The following CSMD1 variants were observed in gnomAD, a reference collection of about 807,000 sequenced individuals.
CSMD1 encodes the protein CUB and Sushi multiple domains 1.
Under a neutral mutation model 417.5 loss-of-function variants are expected in CSMD1, and 213 were observed. That is an observed-to-expected ratio of 0.51 (90% CI 0.46 to 0.57). The LOEUF is 0.57. CSMD1 is among the 20% of genes least tolerant of loss of function. CSMD1 has a pLI of 0.00. For missense variants in CSMD1, 6,923 were observed against 4,529.7 expected, an observed-to-expected ratio of 1.53 and a Z score of -15.17; for synonymous variants, 2,862 against 1,736.8, an observed-to-expected ratio of 1.65 and a Z score of -16.11.
At position 3,712,392 on chromosome 8, in the gene CSMD1, G is replaced by C. The variant is rs62476970; in HGVS notation, c.932-3901C>G. ...AAGAAACAGGAGAGAGAGAGAGAGA[G>C]AGAGAGAGACAGACAGACAGACAGA... On this transcript the variant is annotated intron_variant, in intron 6 of 69. Coordinates refer to ENST00000635120, the MANE Select transcript of CSMD1 (RefSeq NM_033225.6). Among the ~76,000 whole-genome samples the C allele has an allele frequency of 2.3e-4, 11 of 47,490 alleles. No homozygotes were observed. The East Asian group carries it at 4.4e-3, about 19-fold the overall frequency. 31.2% of individuals were successfully genotyped at this position (47,490 alleles called of 152,430 possible).
intron 39 of CSMD1, among the ~76,000 whole-genome samples, chr8:3,155,205 T>C (rs76340811): frequency 0.011 from 1,715 of 152,060 alleles, 36 homozygotes; most frequent in African/African-American, 0.039. Context: ...ATTGATTTCA[T>C]TGTGAAGTTT....
At chr8:3,260,828 T>TA (rs548860858) in intron 26 of CSMD1, among the ~76,000 whole-genome samples, 136 of 152,142 alleles carry the variant, frequency 8.9e-4, no homozygotes, top group African/African-American at 2.8e-3. Context: ...GCTTTTGCTC[T>TA]AAAAAAGACC....
intron 1 of CSMD1, among the ~76,000 whole-genome samples, chr8:4,835,582 T>C (rs568231114): frequency 3.7e-4 from 56 of 152,330 alleles, no homozygotes; most frequent in African/African-American, 1.3e-3. Flanking sequence ...GGAATTATCC[T>C]AACACAAATT....
At chr8:4,351,735 T>G (rs1412878965) in intron 3 of CSMD1, among the ~76,000 whole-genome samples, 1 of 152,142 alleles carries the variant, frequency 6.6e-6, no homozygotes, top group African/African-American at 2.4e-5. Context: ...AAAGGCCTTC[T>G]AGGTTGAGCA....
intron 3 of CSMD1, among the ~76,000 whole-genome samples, chr8:4,273,988 G>T (rs1332658226): frequency 6.6e-6 from 1 of 152,138 alleles, no homozygotes. Flanking sequence ...ATTGCTATCA[G>T]TGATAACCGC....
chr8:4,136,896 G>T (rs1045466086), intron 3 of CSMD1, among the ~76,000 whole-genome samples: 6 of 152,122 alleles, frequency 3.9e-5, no homozygotes, highest in Admixed American at 3.9e-4. Flanking sequence ...ACTTAACAAA[G>T]AAAACAGTCA....
At chr8:4,059,824 C>T (rs774122207) in intron 3 of CSMD1, among the ~76,000 whole-genome samples, 3 of 150,282 alleles carry the variant, frequency 2.0e-5, no homozygotes, top group African/African-American at 4.9e-5. Flanking sequence ...CAAAAAGAGT[C>T]CAGGACCAGA....
At position 3,847,169 on chromosome 8, in the gene CSMD1, C is replaced by G. The variant is rs977376937; in HGVS notation, c.819-93127G>C. On this transcript the variant is annotated intron_variant, in intron 5 of 69. Coordinates refer to ENST00000635120, the MANE Select transcript of CSMD1 (RefSeq NM_033225.6). ...GTGACTGGCTTTTAACCAATAATGC[C>G]TGAACCTTACAGGTGGCGCGGTGTC... Among the ~76,000 whole-genome samples, 6 of 152,184 alleles carry G rather than the reference C, an allele frequency of 3.9e-5. No individual in the cohort carries two copies. In the South Asian group the frequency reaches 8.3e-4, roughly 21 times the overall value.
At chr8:3,313,344 G>C (rs897739729) in intron 23 of CSMD1, among the ~76,000 whole-genome samples, 1 of 152,106 alleles carries the variant, frequency 6.6e-6, no homozygotes, top group East Asian at 1.9e-4. Flanking sequence ...CATACAGAAA[G>C]GGAGAAAATT....
chr8:4,058,909 C>G (rs138425755), intron 3 of CSMD1, among the ~76,000 whole-genome samples: 17,774 of 151,952 alleles, frequency 0.12, 1,559 homozygotes, highest in East Asian at 0.35. Context: ...CAAGGATACC[C>G]AGGAATTGAA....
chr8:2,962,852 T>C (rs1392369245), intron 60 of CSMD1, among the ~76,000 whole-genome samples: 1 of 152,166 alleles, frequency 6.6e-6, no homozygotes, highest in African/African-American at 2.4e-5. Flanking sequence ...AGTTCGAGAC[T>C]AGCCTGGGCA....
At chr8:3,473,465 T>G (rs961314283) in intron 11 of CSMD1, among the ~76,000 whole-genome samples, 1 of 152,200 alleles carries the variant, frequency 6.6e-6, no homozygotes, top group Non-Finnish European at 1.5e-5. Flanking sequence ...TATAATTATT[T>G]AAAACAAAAG....
intron 10 of CSMD1, among the ~76,000 whole-genome samples, chr8:3,559,080 G>T (rs1386117744): frequency 6.6e-6 from 1 of 152,208 alleles, no homozygotes; most frequent in African/African-American, 2.4e-5. Context: ...ATATTATGCT[G>T]AAGAATAACA....
chr8:3,008,001 T>G (rs78691199), intron 52 of CSMD1, among the ~76,000 whole-genome samples: 3,959 of 152,294 alleles, frequency 0.026, 177 homozygotes, highest in African/African-American at 0.091. Flanking sequence ...TTGCTTAAAA[T>G]GTCTCAAATA....
At chr8:3,745,305 C>T (rs571837574) in intron 6 of CSMD1, among the ~76,000 whole-genome samples, 1 of 152,154 alleles carries the variant, frequency 6.6e-6, no homozygotes, top group African/African-American at 2.4e-5. Context: ...ACATGATGGT[C>T]AGCTCTGCAA....
chr8:3,946,683 T>C (rs975173482), intron 5 of CSMD1, among the ~76,000 whole-genome samples: 3 of 152,188 alleles, frequency 2.0e-5, no homozygotes, highest in Non-Finnish European at 4.4e-5. Context: ...TTCTCATTCA[T>C]GGTCTAGTGT....
Position 3,187,495 on chromosome 8 carries a change from T to G in CSMD1, c.5620+374A>C, listed in dbSNP as rs146175756. Among the ~76,000 whole-genome samples, 7 of 152,236 alleles carry G rather than the reference T, an allele frequency of 4.6e-5. No homozygotes were observed. In the East Asian group the frequency reaches 1.4e-3, roughly 29 times the overall value. On this transcript the variant is annotated intron_variant, in intron 36 of 69. Coordinates refer to ENST00000635120, the MANE Select transcript of CSMD1 (RefSeq NM_033225.6). ...GGACTAGCTGAGCCCACATGCTCAG[T>G]GTAATTTTCCCAGATTGCTTAATGT...
At position 4,637,357 on chromosome 8, in the gene CSMD1, C is replaced by G; in HGVS notation, c.287G>C (p.Gly96Ala). Reference protein sequence around the residue: ...LSVYDGQPQQGNLKVRLSGFQ... With the variant: ...LSVYDGQPQQANLKVRLSGFQ... Reference sequence around the variant, plus strand: ...GATACCTTACCTCACTTTTAAATTCCCTTGTTGAGGCTGTCCATCGTAAAC... The same window carrying G: ...GATACCTTACCTCACTTTTAAATTCGCTTGTTGAGGCTGTCCATCGTAAAC... Residue 96 changes from glycine (G) to alanine (A), a missense_variant, in exon 2 of 70, where the codon GGG (glycine) becomes GCG (alanine). Physicochemically the swap from Gly to Ala is moderately conservative, Grantham distance 60. Transcript: ENST00000635120. 1 of 1,613,370 alleles carries G rather than the reference C, an allele frequency of 6.2e-7. No homozygotes were observed. The highest frequency in any genetic ancestry group is 2.2e-5 in the East Asian group (1 of 44,872).
chr8:3,656,723 C>T (rs751457146), intron 7 of CSMD1, among the ~76,000 whole-genome samples: 9 of 152,054 alleles, frequency 5.9e-5, no homozygotes, highest in East Asian at 3.9e-4. Context: ...GTCAGCAGTC[C>T]GAGACCAGCC....
Sources: allele counts gnomAD v4.1 joint callset (sites outside exome capture counted in the v4.1 genomes callset), GRCh38; gene constraint gnomAD v4.1.1; transcripts MANE v1.5; gene names NCBI Gene and HGNC (gene_info 2026-07-23, HGNC 2026-07-21).